Variants in SLC17A1 observed in about 807,000 individuals in gnomAD.
The protein encoded by SLC17A1 is sodium-dependent phosphate transport protein 1.
In SLC17A1, 51 loss-of-function variants were observed where a neutral mutation model predicts 53.5. The observed-to-expected ratio is 0.95, with a 90% CI of 0.76 to 1.20. SLC17A1 has a LOEUF of 1.20. Ranked by LOEUF, SLC17A1 falls within the 50% of genes most tolerant of loss-of-function variation. The pLI is 0.00. For synonymous variants in SLC17A1, 179 were observed against 198.8 expected (o/e 0.90, Z 0.84); for missense variants, 538 against 568.2 (o/e 0.95, Z 0.54).
chr6:25,732,989 T>G, the SLC17A1 span, among the ~76,000 whole-genome samples: 1 of 152,210 alleles, frequency 6.6e-6, no homozygotes, highest in Admixed American at 6.5e-5. Context: ...TACAAAATGC[T>G]GTTTCGTCAA....
chr6:25,776,929 C>T, the SLC17A1 span: 1 of 1,613,426 alleles, frequency 6.2e-7, no homozygotes, highest in Non-Finnish European at 8.5e-7. Flanking sequence ...GAATCAGGAG[C>T]CCTTGTTAAC....
chr6:25,829,848 G>A (rs1031247393), intron 2 of SLC17A1, among the ~76,000 whole-genome samples: 2 of 151,810 alleles, frequency 1.3e-5, no homozygotes, highest in African/African-American at 4.8e-5. Context: ...ATGCATAAGG[G>A]CAGAAATGAA....
At chr6:25,816,245 C>T (rs998714295) in intron 6 of SLC17A1, among the ~76,000 whole-genome samples, 1 of 152,194 alleles carries the variant, frequency 6.6e-6, no homozygotes, top group Non-Finnish European at 1.5e-5. Context: ...GACCCATTCC[C>T]ACCTCACTAG....
the SLC17A1 span, chr6:25,726,174 G>A: frequency 9.7e-5 from 154 of 1,580,136 alleles, 1 homozygote; most frequent in South Asian, 1.6e-3. Context: ...CAGTCTTCTT[G>A]GGCAGCAGCA....
At chr6:25,726,536 A>G in the SLC17A1 span, 3 of 1,601,186 alleles carry the variant, frequency 1.9e-6, no homozygotes, top group Middle Eastern at 1.7e-4. Flanking sequence ...ATCTCCTCGC[A>G]TCAAATTGCA....
the SLC17A1 span, among the ~76,000 whole-genome samples, chr6:25,754,167 A>G: frequency 6.6e-6 from 1 of 152,064 alleles, no homozygotes; most frequent in South Asian, 2.1e-4. Flanking sequence ...TCATGAGAAA[A>G]CTAGAGGTGG....
At chr6:25,735,422 T>C in the SLC17A1 span, among the ~76,000 whole-genome samples, 2 of 152,236 alleles carry the variant, frequency 1.3e-5, no homozygotes, top group Non-Finnish European at 2.9e-5. Context: ...TGAGCAATCA[T>C]GCTCTAATGC....
chr6:25,740,213 A>G, the SLC17A1 span, among the ~76,000 whole-genome samples: 12 of 152,174 alleles, frequency 7.9e-5, no homozygotes, highest in Non-Finnish European at 1.5e-4. Context: ...TATGAAGAGA[A>G]ATGTAAAGTC....
intron 2 of SLC17A1, among the ~76,000 whole-genome samples, chr6:25,829,935 A>C (rs1764888085): frequency 6.6e-6 from 1 of 152,192 alleles, no homozygotes; most frequent in Admixed American, 6.5e-5. Context: ...CAAAATAATT[A>C]AGTATCAAAG....
the SLC17A1 span, among the ~76,000 whole-genome samples, chr6:25,737,952 A>C: frequency 6.6e-6 from 1 of 152,208 alleles, no homozygotes; most frequent in South Asian, 2.1e-4. Context: ...CTCACAATTA[A>C]ATTCAACTGT....
the SLC17A1 span, chr6:25,732,107 G>T: frequency 1.3e-6 from 1 of 769,774 alleles, no homozygotes; most frequent in Non-Finnish European, 1.9e-6. Flanking sequence ...TTTAGCAACT[G>T]CCTTCTTAAA....
intron 6 of SLC17A1, among the ~76,000 whole-genome samples, chr6:25,817,547 T>C (rs1764401310): frequency 6.6e-6 from 1 of 151,668 alleles, no homozygotes; most frequent in Non-Finnish European, 1.5e-5. Context: ...ACACCTTCGT[T>C]TGAGTTTCAT....
chr6:25,759,075 G>A, the SLC17A1 span, among the ~76,000 whole-genome samples: 1 of 152,098 alleles, frequency 6.6e-6, no homozygotes, highest in East Asian at 1.9e-4. Context: ...TTTAGGAGCA[G>A]CTTATTTAAT....
chr6:25,798,980 G>C, intron 11 of SLC17A1, 61 bp from the exon 12 acceptor site: 5 of 1,452,574 alleles, frequency 3.4e-6, no homozygotes, highest in Non-Finnish European at 4.6e-6. Flanking sequence ...GTTTTGTAAT[G>C]TTTAAAATGT....
chr6:25,757,458 T>C, the SLC17A1 span, among the ~76,000 whole-genome samples: 1 of 152,036 alleles, frequency 6.6e-6, no homozygotes, highest in Non-Finnish European at 1.5e-5. Context: ...TTATTTGTAG[T>C]CTTCAAATAA....
chr6:25,726,533 C>T, the SLC17A1 span: 17 of 1,602,180 alleles, frequency 1.1e-5, no homozygotes, highest in African/African-American at 9.4e-5. Context: ...GACATCTCCT[C>T]GCATCAAATT....
At chr6:25,745,549 G>A in the SLC17A1 span, among the ~76,000 whole-genome samples, 1 of 152,194 alleles carries the variant, frequency 6.6e-6, no homozygotes, top group South Asian at 2.1e-4. Context: ...GTTTCCCAAT[G>A]TGGGTAAGGC....
intron 3 of SLC17A1, among the ~76,000 whole-genome samples, chr6:25,822,555 G>A (rs1764599882): frequency 6.6e-6 from 1 of 152,076 alleles, no homozygotes; most frequent in South Asian, 2.1e-4. Flanking sequence ...ATTGTGACAG[G>A]AAATTTCATG....
In SLC17A1 at chr6:25,819,885, G is replaced by A. The variant is rs201070240; in HGVS notation, c.238C>T (p.Gln80Ter). Residue 80 changes from glutamine to a stop codon, truncating the protein, a stop_gained, in exon 4 of 13, where the codon CAG (glutamine) becomes TAG (stop). Coordinates refer to ENST00000244527, the MANE Select transcript of SLC17A1 (RefSeq NM_005074.5). LOFTEE classifies it high-confidence loss of function. ...NPMYNWSPDI[Q>*]GIILSSTSYG... ...GAGGTGGAACTCAAGATGATTCCCT[G>A]GATATCTGGGCTCCAATTATACATA... is the stretch of plus-strand genomic sequence containing the variant. 7 of 1,612,924 alleles carry A rather than the reference G, an allele frequency of 4.3e-6. No individual in the cohort carries two copies. Among genetic ancestry groups the A allele is most frequent in the Non-Finnish European group, 5.9e-6 (7 of 1,179,370 alleles).
Sources: allele counts gnomAD v4.1 joint callset (sites outside exome capture counted in the v4.1 genomes callset), GRCh38; gene constraint gnomAD v4.1.1; transcripts MANE v1.5; gene names NCBI Gene and HGNC (gene_info 2026-07-23, HGNC 2026-07-21).